ACTR3C: variants seen among roughly 807,000 people sequenced by gnomAD.
The protein encoded by ACTR3C is actin related protein 3C.
A neutral mutation model predicts 26.3 loss-of-function variants in ACTR3C; 18 were observed. The observed-to-expected ratio is 0.68, with a 90% CI of 0.47 to 1.01. The LOEUF is 1.01. Among genes scored for constraint, ACTR3C ranks in the 50% least tolerant of loss-of-function variants. The pLI is 0.00. For missense variants in ACTR3C, 184 were observed against 250.7 expected (o/e 0.73, Z 1.80); for synonymous variants, 55 against 94.5 (o/e 0.58, Z 2.42).
chr7:150,316,878 T>C (rs1796981422), intron 1 of ACTR3C, among the ~76,000 whole-genome samples: 1 of 152,196 alleles, frequency 6.6e-6, no homozygotes, highest in East Asian at 1.9e-4. Flanking sequence ...CTTTTAGATA[T>C]TTAGTCCTCC....
chr7:150,239,021 A>T (rs1303556141), downstream of ACTR3C, among the ~76,000 whole-genome samples: 1 of 151,968 alleles, frequency 6.6e-6, no homozygotes, highest in African/African-American at 2.4e-5. Context: ...ACTGACATCA[A>T]TATTCCACTT....
chr7:150,014,510 C>T, the ACTR3C span, among the ~76,000 whole-genome samples: 1 of 151,896 alleles, frequency 6.6e-6, no homozygotes, highest in Admixed American at 6.6e-5. Flanking sequence ...ACAGCACCAT[C>T]CTTCACAGTG....
the ACTR3C span, among the ~76,000 whole-genome samples, chr7:150,199,979 A>C: frequency 6.6e-6 from 1 of 152,156 alleles, no homozygotes; most frequent in African/African-American, 2.4e-5. Flanking sequence ...ACCAGCAAAA[A>C]CTCATAATTA....
At chr7:149,979,053 G>C in the ACTR3C span, among the ~76,000 whole-genome samples, 1 of 152,132 alleles carries the variant, frequency 6.6e-6, no homozygotes, top group Non-Finnish European at 1.5e-5. Flanking sequence ...TCTGCTACCC[G>C]TCTGCTCACC....
the ACTR3C span, among the ~76,000 whole-genome samples, chr7:149,902,099 C>A: frequency 6.6e-6 from 1 of 151,928 alleles, no homozygotes; most frequent in Non-Finnish European, 1.5e-5. Flanking sequence ...AAGAGTGTAT[C>A]TAAGGACTTA....
chr7:150,258,454 A>T (rs1307650041), intron 6 of ACTR3C, among the ~76,000 whole-genome samples: 2 of 151,542 alleles, frequency 1.3e-5, no homozygotes, highest in South Asian at 4.2e-4. Context: ...TGGAGCACAG[A>T]GGGCTATGAG....
At chr7:150,035,270 G>A in the ACTR3C span, among the ~76,000 whole-genome samples, 689 of 65,844 alleles carry the variant, frequency 0.01, 105 homozygotes, top group African/African-American at 0.017. Context: ...CTGGCTCTCA[G>A]TCCCTGCCTC....
At chr7:149,992,170 A>G in the ACTR3C span, among the ~76,000 whole-genome samples, 3 of 152,280 alleles carry the variant, frequency 2.0e-5, no homozygotes, top group African/African-American at 7.2e-5. Context: ...GTACAGGCAG[A>G]TGCCTGCACA....
the ACTR3C span, among the ~76,000 whole-genome samples, chr7:150,143,121 C>T: frequency 4.6e-5 from 7 of 152,122 alleles, no homozygotes; most frequent in Admixed American, 1.3e-4. Context: ...CATGAGCCAC[C>T]GCGCCCAACC....
chr7:149,924,946 A>G, the ACTR3C span, among the ~76,000 whole-genome samples: 466 of 152,296 alleles, frequency 3.1e-3, 1 homozygote, highest in African/African-American at 0.01. Context: ...AAGTTTTTAT[A>G]TCTGAAAATC....
intron 6 of ACTR3C, among the ~76,000 whole-genome samples, chr7:150,281,685 G>A (rs1216083710): frequency 6.6e-6 from 1 of 152,128 alleles, no homozygotes; most frequent in East Asian, 1.9e-4. Context: ...AACATGCCCC[G>A]CCTGAGGAGG....
At chr7:150,279,652 T>C (rs1242270499) in intron 6 of ACTR3C, among the ~76,000 whole-genome samples, 2 of 152,080 alleles carry the variant, frequency 1.3e-5, no homozygotes, top group African/African-American at 2.4e-5. Context: ...TCTCCTTCTA[T>C]CTGCGCTCAT....
At chr7:150,314,236 G>C (rs530366122) in intron 1 of ACTR3C, among the ~76,000 whole-genome samples, 3 of 152,348 alleles carry the variant, frequency 2.0e-5, no homozygotes, top group African/African-American at 7.2e-5. Flanking sequence ...TATGTGACCA[G>C]TTTTGTAGAA....
At chr7:150,148,770 T>C in the ACTR3C span, among the ~76,000 whole-genome samples, 2 of 152,314 alleles carry the variant, frequency 1.3e-5, no homozygotes, top group South Asian at 4.1e-4. Context: ...AATATCATCC[T>C]ACAATTTATT....
At chr7:149,948,261 G>T in the ACTR3C span, among the ~76,000 whole-genome samples, 1 of 104,210 alleles carries the variant, frequency 9.6e-6, no homozygotes, top group Non-Finnish European at 1.8e-5. Flanking sequence ...CTAGTAGTGA[G>T]CAGGCTGTGA....
chr7:150,207,073 T>C, the ACTR3C span, among the ~76,000 whole-genome samples: 3 of 152,230 alleles, frequency 2.0e-5, no homozygotes, highest in African/African-American at 4.8e-5. Context: ...TAAAACCCTA[T>C]AGGGCCCTTG....
the ACTR3C span, among the ~76,000 whole-genome samples, chr7:150,135,477 C>A: frequency 2.0e-5 from 3 of 152,066 alleles, no homozygotes; most frequent in African/African-American, 7.2e-5. Context: ...GGAGAAATAA[C>A]CAAACATTCA....
the ACTR3C span, among the ~76,000 whole-genome samples, chr7:150,112,766 C>A: frequency 6.6e-6 from 1 of 152,172 alleles, no homozygotes; most frequent in African/African-American, 2.4e-5. Context: ...AGTTGCTGAG[C>A]AGCTGGGGAT....
chr7:150,233,867 CT>C, the ACTR3C span, among the ~76,000 whole-genome samples: 1 of 152,108 alleles, frequency 6.6e-6, no homozygotes, highest in African/African-American at 2.4e-5. Context: ...TTTTTTCTTG[CT>C]TTTTTTCATA....
Sources: gnomAD v4.1 joint callset for allele counts (sites outside exome capture counted in the v4.1 genomes callset) on GRCh38, gnomAD v4.1.1 for gene constraint, MANE v1.5 for transcripts, NCBI Gene and HGNC (gene_info 2026-07-23, HGNC 2026-07-21) for gene names.